ACAD11: variants seen among roughly 807,000 people sequenced by gnomAD.
The protein encoded by ACAD11 is acyl-Coenzyme A dehydrogenase family, member 11.
A neutral mutation model predicts 102.2 loss-of-function variants in ACAD11; 83 were observed. The observed-to-expected ratio is 0.81, with a 90% CI of 0.68 to 0.97. The LOEUF is 0.97. Among genes scored for constraint, ACAD11 ranks in the 50% least tolerant of loss-of-function variants. ACAD11 has a pLI of 0.00. For synonymous variants in ACAD11, 324 were observed against 319.8 expected, an observed-to-expected ratio of 1.01 and a Z score of -0.14; for missense variants, 901 against 951.7, an observed-to-expected ratio of 0.95 and a Z score of 0.70.
intron 1 of ACAD11, among the ~76,000 whole-genome samples, chr3:132,656,505 T>TG (rs1576630492): frequency 6.6e-6 from 1 of 151,878 alleles, no homozygotes; most frequent in African/African-American, 2.4e-5. Context: ...ATTTTTTTTT[T>TG]TTTTGAGACG....
At chr3:132,576,828 T>C in intron 16 of ACAD11, 116 bp downstream of exon 16, 1 of 761,730 alleles carries the variant, frequency 1.3e-6, no homozygotes, top group Non-Finnish European at 2.2e-6. Context: ...TGCACGAACC[T>C]AATATCTAAA....
At chr3:132,603,810 G>C (rs979291408) in intron 12 of ACAD11, among the ~76,000 whole-genome samples, 2 of 152,094 alleles carry the variant, frequency 1.3e-5, no homozygotes, top group African/African-American at 4.8e-5. Flanking sequence ...CAACACTTAA[G>C]GTCTTCAGAA....
chr3:132,656,608 C>T (rs567511138), intron 1 of ACAD11, among the ~76,000 whole-genome samples: 19 of 152,112 alleles, frequency 1.2e-4, no homozygotes, highest in East Asian at 5.8e-4. Flanking sequence ...ATTCTCCTGC[C>T]TCAGCCTCCC....
intron 11 of ACAD11, among the ~76,000 whole-genome samples, chr3:132,612,513 T>A (rs1424850284): frequency 6.6e-6 from 1 of 151,812 alleles, no homozygotes; most frequent in Non-Finnish European, 1.5e-5. Context: ...TACAATGAAC[T>A]CAAACAAATT....
intron 13 of ACAD11, among the ~76,000 whole-genome samples, chr3:132,583,185 T>C (rs1009938750): frequency 6.6e-6 from 1 of 152,132 alleles, no homozygotes; most frequent in Admixed American, 6.6e-5. Flanking sequence ...AGTCCTGGAC[T>C]TTTTTTCACT....
chr3:132,587,356 C>T (rs1422796333), intron 13 of ACAD11, among the ~76,000 whole-genome samples: 1 of 152,110 alleles, frequency 6.6e-6, no homozygotes, highest in African/African-American at 2.4e-5. Context: ...TGTTGTCTAT[C>T]TTCAAGTTCG....
At chr3:132,567,460 TATACA>T (rs1937247414) in intron 17 of ACAD11, among the ~76,000 whole-genome samples, 1 of 151,968 alleles carries the variant, frequency 6.6e-6, no homozygotes, top group Non-Finnish European at 1.5e-5. Context: ...CCAAAACAGC[TATACA>T]AAGAGACACT....
Position 132,589,473 on chromosome 3 carries a change from C to T in ACAD11, c.1622-9915G>A, listed in dbSNP as rs77863227. ...TATAGAGGAAGAATCATTTACAGAG[C>T]GTTCACTTCTAATTTTTCAACTGGA... On this transcript the variant is annotated intron_variant, in intron 13 of 19. Coordinates refer to ENST00000264990, the MANE Select transcript of ACAD11 (RefSeq NM_032169.5). Among the ~76,000 whole-genome samples, 1,164 of 152,200 alleles carry T rather than the reference C, an allele frequency of 7.6e-3. 16 individuals carry two copies. Among genetic ancestry groups the T allele is most frequent in the African/African-American group, 0.026 (1,094 of 41,522 alleles).
chr3:132,632,522 G>T (rs1940090897), intron 5 of ACAD11, among the ~76,000 whole-genome samples: 1 of 152,156 alleles, frequency 6.6e-6, no homozygotes, highest in South Asian at 2.1e-4. Flanking sequence ...GATGCCTCCA[G>T]CTTTGTTCTT....
intron 1 of ACAD11, among the ~76,000 whole-genome samples, chr3:132,658,810 T>C (rs565415913): frequency 4.1e-4 from 62 of 152,336 alleles, no homozygotes; most frequent in Non-Finnish European, 7.5e-4. Context: ...TTGCAATTTT[T>C]ACGCCCTTTC....
chr3:132,602,530 GTTAA>G (rs1938657414), intron 13 of ACAD11, among the ~76,000 whole-genome samples: 1 of 151,814 alleles, frequency 6.6e-6, no homozygotes, highest in African/African-American at 2.4e-5. Context: ...ATAAATTATT[GTTAA>G]TTAACATGTA....
intron 11 of ACAD11, among the ~76,000 whole-genome samples, chr3:132,612,913 A>G (rs572346052): frequency 8.0e-4 from 121 of 152,182 alleles, no homozygotes; most frequent in Non-Finnish European, 1.2e-3. Context: ...GCTGCTATAA[A>G]GGCACATGCA....
In ACAD11 at chr3:132,630,547, T is replaced by C. The variant is rs780157347; in HGVS notation, c.853A>G (p.Met285Val). 1.2e-5 allele frequency: 19 copies of C among 1,609,560 alleles called. No individual in the cohort carries two copies. The highest frequency in any genetic ancestry group is 1.6e-5 in the Non-Finnish European group (19 of 1,178,102). ...SYSENSGIPS[M>V]EELISIYCRC... Reference sequence around the variant, plus strand: ...CAATATATTGAAATCAGTTCTTCCATTGATGGTATCCCTATAAAAACAGCA... The same window carrying C: ...CAATATATTGAAATCAGTTCTTCCACTGATGGTATCCCTATAAAAACAGCA... Residue 285 changes from methionine (M) to valine (V), a missense_variant, in exon 7 of 20, where the codon ATG becomes GTG. Physicochemically the swap from Met to Val is conservative, Grantham distance 21. Coordinates refer to ENST00000264990, the MANE Select transcript of ACAD11 (RefSeq NM_032169.5).
chr3:132,601,093 C>T (rs767597534), intron 13 of ACAD11: 2 of 1,613,894 alleles, frequency 1.2e-6, no homozygotes, highest in Non-Finnish European at 1.7e-6. Flanking sequence ...AGATGCCAAA[C>T]ATTAAAATAT....
chr3:132,600,330 C>T, intron 13 of ACAD11: 2 of 1,384,674 alleles, frequency 1.4e-6, no homozygotes, highest in Non-Finnish European at 9.7e-7. Flanking sequence ...TTGATAAAAA[C>T]TGTTTCCTTT....
intron 17 of ACAD11, among the ~76,000 whole-genome samples, chr3:132,573,238 GT>G (rs1937434488): frequency 6.6e-6 from 1 of 152,050 alleles, no homozygotes. Flanking sequence ...TTTGATTAGA[GT>G]TTCCCTAAAG....
intron 13 of ACAD11, among the ~76,000 whole-genome samples, chr3:132,589,683 C>A (rs1474861536): frequency 6.6e-6 from 1 of 152,034 alleles, no homozygotes; most frequent in African/African-American, 2.4e-5. Flanking sequence ...ATTTGAGGTT[C>A]ATTTTCATTA....
At chr3:132,571,537 G>T (rs1177576664) in intron 17 of ACAD11, among the ~76,000 whole-genome samples, 2 of 151,810 alleles carry the variant, frequency 1.3e-5, no homozygotes, top group African/African-American at 2.4e-5. Flanking sequence ...TGCTTTTTTT[G>T]TAATGGCTTT....
At chr3:132,613,120 G>C (rs370134944) in intron 11 of ACAD11, among the ~76,000 whole-genome samples, 3 of 151,522 alleles carry the variant, frequency 2.0e-5, no homozygotes, top group African/African-American at 4.9e-5. Context: ...GCAAACTATC[G>C]CAAGGACAAA....
Sources: allele counts gnomAD v4.1 joint callset (sites outside exome capture counted in the v4.1 genomes callset), GRCh38; gene constraint gnomAD v4.1.1; transcripts MANE v1.5; gene names NCBI Gene and HGNC (gene_info 2026-07-23, HGNC 2026-07-21).